Variants in THEMIS observed in about 807,000 individuals in gnomAD.
The protein encoded by THEMIS is thymocyte selection associated.
A neutral mutation model predicts 52.6 loss-of-function variants in THEMIS; 37 were observed. The ratio of observed to expected loss-of-function variants is 0.70; its 90% confidence interval spans 0.54 to 0.93. THEMIS has a LOEUF of 0.93. Among genes scored for constraint, THEMIS ranks in the 40% least tolerant of loss-of-function variants. The pLI is 0.00. For synonymous variants in THEMIS, 292 were observed against 272.7 expected (o/e 1.07, Z -0.70); for missense variants, 808 against 763.1 (o/e 1.06, Z -0.69).
chr6:127,904,602 C>G (rs536658511), upstream of THEMIS, among the ~76,000 whole-genome samples: 22 of 152,076 alleles, frequency 1.4e-4, no homozygotes, highest in Admixed American at 4.6e-4. Context: ...TTTAAAAATA[C>G]AACATCTATA....
chr6:127,726,092 C>T (rs1404992724), intron 4 of THEMIS, among the ~76,000 whole-genome samples: 1 of 152,128 alleles, frequency 6.6e-6, no homozygotes, highest in Non-Finnish European at 1.5e-5. Context: ...ACTTCACCAG[C>T]AGTCACAGGT....
Position 127,813,410 on chromosome 6 carries a change from G to C in THEMIS, c.1231C>G (p.Leu411Val), listed in dbSNP as rs777055639. The C allele has an allele frequency of 3.8e-5, 61 of 1,613,798 alleles. No homozygotes were observed. The East Asian group carries it at 1.3e-3, about 34-fold the overall frequency. The change falls in exon 4 of 6, where the codon CTG becomes GTG. Residue 411 changes from leucine (L) to valine (V), a missense_variant. Physicochemically the swap from Leu to Val is conservative, Grantham distance 32. Transcript: ENST00000368248. Reference protein sequence around the residue: ...CEGIKKVVNVLACEKILKKSY... With the variant: ...CEGIKKVVNVVACEKILKKSY... ...TTTTTGAGGATTTTTTCACAGGCCAGAACATTCACCACTTTTTTTATTCCC... is the reference window on the plus strand; with the variant it reads ...TTTTTGAGGATTTTTTCACAGGCCACAACATTCACCACTTTTTTTATTCCC...
At chr6:127,757,584 G>A (rs901398745) in intron 4 of THEMIS, among the ~76,000 whole-genome samples, 53 of 152,000 alleles carry the variant, frequency 3.5e-4, no homozygotes, top group African/African-American at 1.1e-3. Flanking sequence ...CCGGGTTCAC[G>A]CCATTCTCCT....
chr6:127,861,684 T>A (rs1375554491), intron 1 of THEMIS, among the ~76,000 whole-genome samples: 1 of 148,784 alleles, frequency 6.7e-6, no homozygotes, highest in African/African-American at 2.5e-5. Context: ...CTGGGGAGGC[T>A]GAGGCAGGAG....
chr6:127,721,244 G>A (rs1368163314), intron 4 of THEMIS, among the ~76,000 whole-genome samples: 1 of 151,996 alleles, frequency 6.6e-6, no homozygotes, highest in African/African-American at 2.4e-5. Flanking sequence ...ACCAGCTCAA[G>A]TCAGATGAAT....
intron 4 of THEMIS, among the ~76,000 whole-genome samples, chr6:127,753,923 A>G (rs558743553): frequency 1.9e-4 from 29 of 152,198 alleles, no homozygotes; most frequent in African/African-American, 6.0e-4. Flanking sequence ...AATGATGATG[A>G]TGATGATGAT....
At chr6:127,848,953 G>T (rs1204369094) in intron 2 of THEMIS, among the ~76,000 whole-genome samples, 3 of 151,562 alleles carry the variant, frequency 2.0e-5, no homozygotes, top group African/African-American at 7.3e-5. Flanking sequence ...GTCAATTTTG[G>T]CTTTTGTTGC....
At chr6:127,707,700 GTTTTACATGTTA>G (rs1773833015), downstream of THEMIS, among the ~76,000 whole-genome samples, 1 of 152,056 alleles carries the variant, frequency 6.6e-6, no homozygotes, top group Admixed American at 6.6e-5. Context: ...TCTCCCCAGC[GTTTTACATGTTA>G]TCATCTTCCT....
rs1341374321 is a variant in THEMIS at position 127,710,066 on chromosome 6, C to T, written c.1895-50G>A. ...ATCAGAAATAAGTATTGAAAATAAC[C>T]AGAAAGGAAACTGCCTGCTTTCAAA... On this transcript the variant is annotated intron_variant, in intron 5 of 5. Coordinates refer to ENST00000368248, the MANE Select transcript of THEMIS (RefSeq NM_001010923.3). The T allele has an allele frequency of 1.0e-5, 14 of 1,351,060 alleles. No individual in the cohort carries two copies. In the Admixed American group the frequency reaches 2.1e-4, roughly 20 times the overall value. 83.7% of individuals were successfully genotyped at this position (1,351,060 alleles called of 1,614,324 possible). A position where few individuals can be genotyped will look rare whatever the true frequency, so the allele number is the denominator to read the frequency against.
chr6:127,710,103 C>T (rs1319659670), intron 5 of THEMIS, 87 bp from the exon 6 acceptor site: 5 of 834,412 alleles, frequency 6.0e-6, no homozygotes, highest in Non-Finnish European at 9.1e-6. Context: ...ACTGTCGACA[C>T]TCACATGCAT....
At chr6:127,697,157 C>T in the THEMIS span, among the ~76,000 whole-genome samples, 1 of 152,082 alleles carries the variant, frequency 6.6e-6, no homozygotes, top group African/African-American at 2.4e-5. Flanking sequence ...GAGAATAATT[C>T]CCAAATCAGC....
intron 4 of THEMIS, among the ~76,000 whole-genome samples, chr6:127,758,959 C>G (rs1196725175): frequency 1.3e-5 from 2 of 151,958 alleles, no homozygotes; most frequent in Admixed American, 1.3e-4. Flanking sequence ...AAATAGTTAA[C>G]CAGCAGAACT....
chr6:127,808,131 C>T (rs1359417586), intron 4 of THEMIS, among the ~76,000 whole-genome samples: 2 of 152,150 alleles, frequency 1.3e-5, no homozygotes, highest in Non-Finnish European at 2.9e-5. Flanking sequence ...ATTAAATGGC[C>T]AAACAGAGTT....
intron 1 of THEMIS, among the ~76,000 whole-genome samples, chr6:127,865,292 A>C (rs1195545690): frequency 6.6e-6 from 1 of 152,160 alleles, no homozygotes; most frequent in African/African-American, 2.4e-5. Context: ...CAAAGGTCCA[A>C]AGTATACAAA....
At chr6:127,915,274 T>G (rs1781497636) in intron 1 of THEMIS, among the ~76,000 whole-genome samples, 1 of 152,122 alleles carries the variant, frequency 6.6e-6, no homozygotes, top group South Asian at 2.1e-4. Flanking sequence ...TTTGTTTTGG[T>G]ACAACTAGGC....
chr6:127,775,316 T>C (rs1562249405), intron 4 of THEMIS, among the ~76,000 whole-genome samples: 1 of 152,224 alleles, frequency 6.6e-6, no homozygotes, highest in Non-Finnish European at 1.5e-5. Context: ...TATGTGGACT[T>C]GTGTACAAAT....
At chr6:127,914,692 C>T (rs1781483162) in intron 1 of THEMIS, among the ~76,000 whole-genome samples, 1 of 152,132 alleles carries the variant, frequency 6.6e-6, no homozygotes, top group Non-Finnish European at 1.5e-5. Context: ...ATATGTAGTC[C>T]ATCGTTGACC....
intron 4 of THEMIS, among the ~76,000 whole-genome samples, chr6:127,730,448 C>T (rs1013568639): frequency 9.3e-5 from 12 of 129,286 alleles, no homozygotes; most frequent in Admixed American, 6.8e-4. Flanking sequence ...AGAGAACAAA[C>T]GAAAGAAAGA....
At chr6:127,879,818 G>T (rs1219094625) in intron 1 of THEMIS, among the ~76,000 whole-genome samples, 1 of 151,928 alleles carries the variant, frequency 6.6e-6, no homozygotes, top group South Asian at 2.1e-4. Context: ...AACCAAGCTG[G>T]TCTTCAACTA....
Sources: allele counts gnomAD v4.1 joint callset (sites outside exome capture counted in the v4.1 genomes callset), GRCh38; gene constraint gnomAD v4.1.1; transcripts MANE v1.5; gene names NCBI Gene and HGNC (gene_info 2026-07-23, HGNC 2026-07-21).